Variants in ROS1 observed in about 807,000 individuals in gnomAD.
The protein encoded by ROS1 is ROS proto-oncogene 1, receptor tyrosine kinase.
A neutral mutation model predicts 273.5 loss-of-function variants in ROS1; 263 were observed. The observed-to-expected ratio is 0.96, with a 90% confidence interval of 0.87 to 1.06. The LOEUF is 1.06. ROS1 is among the 50% of genes least tolerant of loss of function. The pLI is 0.00. For missense variants in ROS1, 2,833 were observed against 2,751.1 expected (o/e 1.03, Z -0.67); for synonymous variants, 1,008 against 954.1 (o/e 1.06, Z -1.04).
chr6:117,312,598 G>C (rs3777957), intron 39 of ROS1, among the ~76,000 whole-genome samples: 13,966 of 151,992 alleles, frequency 0.092, 759 homozygotes, highest in South Asian at 0.18. Context: ...CTAGGCCTAG[G>C]ATCCTACTCC....
chr6:117,408,193 A>C (rs1247702323), intron 5 of ROS1, among the ~76,000 whole-genome samples: 1 of 151,954 alleles, frequency 6.6e-6, no homozygotes, highest in African/African-American at 2.4e-5. Context: ...CAATGGCAAC[A>C]AAAGCCAAAA....
chr6:117,360,984 T>G (rs903991196), intron 22 of ROS1, among the ~76,000 whole-genome samples: 2 of 152,168 alleles, frequency 1.3e-5, no homozygotes, highest in Non-Finnish European at 2.9e-5. Flanking sequence ...ATCTTACATT[T>G]GAAAATGATT....
At chr6:117,421,507 G>A (rs911961036) in intron 1 of ROS1, among the ~76,000 whole-genome samples, 2 of 151,920 alleles carry the variant, frequency 1.3e-5, no homozygotes, top group South Asian at 2.1e-4. Flanking sequence ...GAGAACATAC[G>A]GTATTTGGTT....
At chr6:117,331,283 G>A (rs544772110) in intron 32 of ROS1, among the ~76,000 whole-genome samples, 1 of 152,134 alleles carries the variant, frequency 6.6e-6, no homozygotes, top group African/African-American at 2.4e-5. Context: ...ATGCTGACAA[G>A]AAGAGAGAAA....
chr6:117,401,017 CTT>C (rs1199501069), intron 7 of ROS1, among the ~76,000 whole-genome samples: 1 of 152,214 alleles, frequency 6.6e-6, no homozygotes, highest in Non-Finnish European at 1.5e-5. Flanking sequence ...CTCCTTTACC[CTT>C]GTCCCTGTCT....
chr6:117,340,599 C>T (rs1421737669), intron 31 of ROS1, among the ~76,000 whole-genome samples: 1 of 152,126 alleles, frequency 6.6e-6, no homozygotes, highest in African/African-American at 2.4e-5. Context: ...TAATTGATGA[C>T]TTAAAATTCA....
chr6:117,373,660 G>A (rs1445053480), intron 18 of ROS1, among the ~76,000 whole-genome samples: 2 of 152,176 alleles, frequency 1.3e-5, no homozygotes, highest in African/African-American at 2.4e-5. Flanking sequence ...TCCCACCTGC[G>A]TCTCTCCCTC....
intron 16 of ROS1, among the ~76,000 whole-genome samples, chr6:117,383,808 A>G (rs1471104748): frequency 6.6e-6 from 1 of 152,210 alleles, no homozygotes; most frequent in Admixed American, 6.5e-5. Context: ...CAATGTGAAC[A>G]CTGCTGGATA....
chr6:117,411,513 T>G (rs1774906069), intron 4 of ROS1, among the ~76,000 whole-genome samples: 1 of 152,106 alleles, frequency 6.6e-6, no homozygotes. Flanking sequence ...CCAAGTATAC[T>G]CTTCCAGGGG....
At chr6:117,298,469 G>A (rs898886045) in intron 43 of ROS1, among the ~76,000 whole-genome samples, 2 of 152,116 alleles carry the variant, frequency 1.3e-5, no homozygotes, top group Non-Finnish European at 2.9e-5. Flanking sequence ...TCTATCTTAG[G>A]AACAAAAGAT....
chr6:117,309,044 T>C (rs1775332782), intron 41 of ROS1, 116 bp from the exon 42 acceptor site: 4 of 992,618 alleles, frequency 4.0e-6, no homozygotes, highest in East Asian at 2.6e-5. Context: ...CAGTGTATTA[T>C]TGGCCTCATA....
Position 117,321,357 on chromosome 6 carries a change from C to T in ROS1, c.5661G>A (p.Lys1887=), listed in dbSNP as rs1776278991. The T allele has an allele frequency of 1.9e-6, 3 of 1,613,088 alleles. No individual in the cohort carries two copies. The highest frequency in any genetic ancestry group is 2.7e-5 in the African/African-American group (2 of 74,860). Reference sequence around the variant, plus strand: ...CGTTTATAAGCACTGTCACCCCTTCCTTGGCACTTTTTTGATTCTTTAATC... The same window carrying T: ...CGTTTATAAGCACTGTCACCCCTTCTTTGGCACTTTTTTGATTCTTTAATC... ...HRRLKNQKSA[K]EGVTVLINED... The change falls in exon 36 of 44, where the codon AAG becomes AAA. Residue 1887 remains lysine, a synonymous_variant. Transcript: ENST00000368507.
chr6:117,343,074 G>A (rs1388018571), intron 28 of ROS1, among the ~76,000 whole-genome samples: 1 of 150,040 alleles, frequency 6.7e-6, no homozygotes, highest in Non-Finnish European at 1.5e-5. Flanking sequence ...AAGCCTAGAT[G>A]CAGAGTGTTT....
rs768374292 is a variant in ROS1 at position 117,344,156 on chromosome 6, T to C, written c.4410A>G (p.Thr1470=). Residue 1470 remains threonine (T), a synonymous_variant, in exon 28 of 44, where the codon ACA becomes ACG. Transcript: ENST00000368507. ...IRLPLAKTNL[T]WYGITSPTPT... is the part of the protein sequence containing the mutation. ...GAGTAGGGCTGGTGATGCCATACCA[T>C]GTGAGGTTTGTCTTGGCCAGAGGTA... 2.5e-6 allele frequency: 4 copies of C among 1,613,892 alleles called. No homozygotes were observed. Among genetic ancestry groups the C allele is most frequent in the Non-Finnish European group, 3.4e-6 (4 of 1,179,812 alleles).
intron 18 of ROS1, among the ~76,000 whole-genome samples, chr6:117,372,737 G>T (rs1352636983): frequency 6.6e-6 from 1 of 152,312 alleles, no homozygotes; most frequent in East Asian, 1.9e-4. Flanking sequence ...GACCTTCAGG[G>T]TAAGTGTTAC....
Position 117,362,644 on chromosome 6 carries a change from G to A in ROS1, c.3325C>T (p.Gln1109Ter), listed in dbSNP as rs2128654771. Residue 1109 changes from glutamine to a stop codon, truncating the protein, a stop_gained, in exon 22 of 44, where the codon CAA becomes TAA. Transcript: ENST00000368507. LOFTEE classifies it high-confidence loss of function. ...CATCTGGGACTCATGCCTTCAAGTT[G>A]AAAAGACATCACTGAGGGAGTGACA... ...VNVTPSVMSF[Q>*]LEGMSPRCFI... 6.2e-7 allele frequency: 1 copy of A among 1,613,546 alleles called. No homozygotes were observed. The highest frequency in any genetic ancestry group is 8.5e-7 in the Non-Finnish European group (1 of 1,179,660).
At chr6:117,391,586 C>G (rs561730844) in intron 12 of ROS1, among the ~76,000 whole-genome samples, 1 of 152,194 alleles carries the variant, frequency 6.6e-6, no homozygotes. Flanking sequence ...CAGGACAATA[C>G]ACTGTTTCAC....
intron 39 of ROS1, among the ~76,000 whole-genome samples, chr6:117,316,301 G>A (rs975747235): frequency 5.1e-5 from 2 of 39,206 alleles, no homozygotes; most frequent in South Asian, 8.0e-4. Flanking sequence ...GATACATGCG[G>A]GGCCTGAGAG....
intron 43 of ROS1, among the ~76,000 whole-genome samples, chr6:117,294,720 T>A (rs991252349): frequency 6.6e-6 from 1 of 152,044 alleles, no homozygotes; most frequent in Non-Finnish European, 1.5e-5. Context: ...AAGAGCCACA[T>A]AAAGAATGAA....
Sources: gnomAD v4.1 joint callset for allele counts (sites outside exome capture counted in the v4.1 genomes callset) on GRCh38, gnomAD v4.1.1 for gene constraint, MANE v1.5 for transcripts, NCBI Gene and HGNC (gene_info 2026-07-23, HGNC 2026-07-21) for gene names.